BBS9: variants seen among roughly 807,000 people sequenced by gnomAD.
The protein encoded by BBS9 is protein PTHB1.
Under a neutral mutation model 117.7 loss-of-function variants are expected in BBS9, and 89 were observed. The observed-to-expected ratio is 0.76, with a 90% CI of 0.64 to 0.90. The LOEUF is 0.90. Ranked by LOEUF, BBS9 falls within the 40% of genes least tolerant of loss-of-function variation. The pLI is 0.00. For missense variants in BBS9, 982 were observed against 1,042.2 expected (o/e 0.94, Z 0.80); for synonymous variants, 379 against 370.9 (o/e 1.02, Z -0.25).
intron 19 of BBS9, among the ~76,000 whole-genome samples, chr7:33,393,624 C>G (rs148575067): frequency 2.6e-5 from 4 of 152,250 alleles, no homozygotes; most frequent in African/African-American, 7.2e-5. Context: ...ACCCCCAAAT[C>G]ACATGTAGGC....
chr7:33,516,177 G>A (rs1391949983), intron 20 of BBS9, among the ~76,000 whole-genome samples: 1 of 152,086 alleles, frequency 6.6e-6, no homozygotes, highest in African/African-American at 2.4e-5. Context: ...CTGAGATGTG[G>A]GGGAGAAATG....
At chr7:33,216,870 T>A (rs1789167332) in intron 5 of BBS9, among the ~76,000 whole-genome samples, 1 of 151,832 alleles carries the variant, frequency 6.6e-6, no homozygotes, top group Non-Finnish European at 1.5e-5. Flanking sequence ...CCGAGGCGGG[T>A]GGATCACGAG....
At chr7:33,527,710 G>C (rs748534198) in intron 20 of BBS9, among the ~76,000 whole-genome samples, 6 of 152,332 alleles carry the variant, frequency 3.9e-5, no homozygotes, top group South Asian at 2.1e-4. Flanking sequence ...CCCGTCTTCT[G>C]CGTCGCTCAC....
chr7:33,472,469 TA>T (rs1194144148), intron 19 of BBS9, among the ~76,000 whole-genome samples: 1 of 152,194 alleles, frequency 6.6e-6, no homozygotes, highest in Non-Finnish European at 1.5e-5. Context: ...CTAATTCTAG[TA>T]AATGGGCCAA....
At chr7:33,426,382 C>A (rs9639675) in intron 19 of BBS9, among the ~76,000 whole-genome samples, 29,867 of 152,052 alleles carry the variant, frequency 0.2, 3,360 homozygotes, top group East Asian at 0.46. Context: ...TAACTTAATG[C>A]TTTTAAAGAG....
chr7:33,271,855 G>A (rs1799857958), intron 7 of BBS9, among the ~76,000 whole-genome samples: 2 of 152,156 alleles, frequency 1.3e-5, no homozygotes, highest in South Asian at 4.2e-4. Context: ...TTGACCAAAT[G>A]GACCTAATAG....
At chr7:33,545,963 T>C (rs1853281172) in intron 21 of BBS9, among the ~76,000 whole-genome samples, 1 of 136,728 alleles carries the variant, frequency 7.3e-6, no homozygotes, top group Non-Finnish European at 1.5e-5. Context: ...AGATGGAGTC[T>C]TGCTCTGTCG....
At chr7:33,437,886 CAAAT>C (rs1195575103) in intron 19 of BBS9, among the ~76,000 whole-genome samples, 1 of 152,034 alleles carries the variant, frequency 6.6e-6, no homozygotes, top group Non-Finnish European at 1.5e-5. Context: ...AAAAACAAAA[CAAAT>C]AAAAACCCCA....
At chr7:33,618,901 C>G (rs1665589507) in intron 21 of BBS9, among the ~76,000 whole-genome samples, 1 of 151,694 alleles carries the variant, frequency 6.6e-6, no homozygotes, top group African/African-American at 2.4e-5. Context: ...AGAAAGCTTA[C>G]CACTATGAAA....
chr7:33,471,125 G>A (rs1031672064), intron 19 of BBS9, among the ~76,000 whole-genome samples: 2 of 152,142 alleles, frequency 1.3e-5, no homozygotes, highest in African/African-American at 4.8e-5. Flanking sequence ...ACTCTTGGTT[G>A]TTCCAGTGGC....
chr7:33,597,745 G>A (rs1863091313), intron 21 of BBS9, among the ~76,000 whole-genome samples: 1 of 151,964 alleles, frequency 6.6e-6, no homozygotes, highest in African/African-American at 2.4e-5. Flanking sequence ...ACTAGCTCTG[G>A]GACATTTGTG....
chr7:33,563,468 T>C (rs1856393471), intron 21 of BBS9, among the ~76,000 whole-genome samples: 1 of 152,222 alleles, frequency 6.6e-6, no homozygotes, highest in South Asian at 2.1e-4. Flanking sequence ...CTATTTGAGC[T>C]ATTTCTGATG....
At chr7:33,427,414 A>G (rs1833809315) in intron 19 of BBS9, among the ~76,000 whole-genome samples, 1 of 152,222 alleles carries the variant, frequency 6.6e-6, no homozygotes, top group African/African-American at 2.4e-5. Flanking sequence ...AAAGTTAAGC[A>G]TCTTCCAAAC....
chr7:33,339,079 A>G (rs1459977561), intron 10 of BBS9, among the ~76,000 whole-genome samples: 1 of 152,208 alleles, frequency 6.6e-6, no homozygotes, highest in African/African-American at 2.4e-5. Flanking sequence ...GTCACAAGAT[A>G]CCCAAATAAG....
intron 21 of BBS9, among the ~76,000 whole-genome samples, chr7:33,595,684 G>C (rs1315049079): frequency 6.6e-6 from 1 of 151,902 alleles, no homozygotes; most frequent in Non-Finnish European, 1.5e-5. Flanking sequence ...CTCATTACTG[G>C]GTATATACCC....
At chr7:33,161,751 T>C (rs535211263) in intron 4 of BBS9, among the ~76,000 whole-genome samples, 110 of 152,334 alleles carry the variant, frequency 7.2e-4, no homozygotes, top group African/African-American at 2.5e-3. Context: ...TGTGAAAGCA[T>C]TCCTATTTCT....
chr7:33,451,519 A>G (rs1837869057), intron 19 of BBS9, among the ~76,000 whole-genome samples: 1 of 152,058 alleles, frequency 6.6e-6, no homozygotes, highest in African/African-American at 2.4e-5. Flanking sequence ...TTTGAGGTTT[A>G]TTTCTGGGCT....
intron 9 of BBS9, among the ~76,000 whole-genome samples, chr7:33,307,086 A>G (rs1808180943): frequency 6.6e-6 from 1 of 152,214 alleles, no homozygotes; most frequent in South Asian, 2.1e-4. Context: ...ATCACAATTC[A>G]CTGGTAAATG....
At chr7:33,214,547 G>A (rs1788668038) in intron 5 of BBS9, among the ~76,000 whole-genome samples, 1 of 152,174 alleles carries the variant, frequency 6.6e-6, no homozygotes, top group South Asian at 2.1e-4. Context: ...GCAGATAGGT[G>A]TTAAAATTTG....
Sources: gnomAD v4.1 joint callset for allele counts (sites outside exome capture counted in the v4.1 genomes callset) on GRCh38, gnomAD v4.1.1 for gene constraint, MANE v1.5 for transcripts, NCBI Gene and HGNC (gene_info 2026-07-23, HGNC 2026-07-21) for gene names.